The following NCAM2 variants were observed in gnomAD, a reference collection of about 807,000 sequenced individuals.
NCAM2 encodes the protein N-CAM-2.
In NCAM2, 30 loss-of-function variants were observed where a neutral mutation model predicts 98.1. The observed-to-expected ratio is 0.31, with a 90% CI of 0.23 to 0.41. The LOEUF is 0.41. Among genes scored for constraint, NCAM2 ranks in the 10% least tolerant of loss-of-function variants. NCAM2 has a pLI of 1.00. For synonymous variants in NCAM2, 368 were observed against 342.4 expected (o/e 1.07, Z -0.83); for missense variants, 867 against 1,005.8 (o/e 0.86, Z 1.87).
intron 1 of NCAM2, among the ~76,000 whole-genome samples, chr21:21,093,270 CTCT>C (rs1348775770): frequency 6.6e-6 from 1 of 152,014 alleles, no homozygotes; most frequent in African/African-American, 2.4e-5. Flanking sequence ...AATAGACTAC[CTCT>C]TCTTCAGGGA....
intron 16 of NCAM2, among the ~76,000 whole-genome samples, chr21:21,533,654 T>G (rs1299264352): frequency 4.6e-5 from 7 of 151,458 alleles, no homozygotes; most frequent in South Asian, 4.1e-4. Flanking sequence ...TTTAGTTTTT[T>G]TTTTTTTTTT....
intron 8 of NCAM2, among the ~76,000 whole-genome samples, chr21:21,367,446 A>G (rs2075815587): frequency 6.6e-6 from 1 of 151,984 alleles, no homozygotes; most frequent in African/African-American, 2.4e-5. Flanking sequence ...TACTAAATAT[A>G]TTATGTATTG....
rs1056501874 is a variant in NCAM2, at chr21:21,049,107, T to C, written c.55+50489T>C. Among the ~76,000 whole-genome samples, 22 of 139,684 alleles carry C rather than the reference T, an allele frequency of 1.6e-4. No individual in the cohort carries two copies. In the East Asian group the frequency reaches 4.7e-3, roughly 30 times the overall value. 91.6% of individuals were successfully genotyped at this position (139,684 alleles called of 152,430 possible). ...AATCTCGGCTCACTGCAAGCTCCGC[T>C]TCCCGGGTTCACGCCATTCTCCTGC... On this transcript the variant is annotated intron_variant, in intron 1 of 17. Transcript: ENST00000400546.
At chr21:21,338,200 T>C (rs1054425235) in intron 7 of NCAM2, among the ~76,000 whole-genome samples, 189 bp from the exon 8 acceptor site, 1 of 152,060 alleles carries the variant, frequency 6.6e-6, no homozygotes, top group Non-Finnish European at 1.5e-5. Context: ...GAGTTTTATT[T>C]CCTAAATTTT....
intron 10 of NCAM2, among the ~76,000 whole-genome samples, chr21:21,414,671 G>A (rs996535601): frequency 6.6e-6 from 1 of 151,582 alleles, no homozygotes; most frequent in African/African-American, 2.4e-5. Flanking sequence ...GAGTTTCACG[G>A]TGTTAACCAG....
At chr21:21,481,663 G>C (rs1476833423) in intron 15 of NCAM2, among the ~76,000 whole-genome samples, 2 of 152,070 alleles carry the variant, frequency 1.3e-5, no homozygotes, top group Non-Finnish European at 2.9e-5. Flanking sequence ...AAGGAGTCGT[G>C]GAGCAATCAC....
At chr21:21,300,871 A>G (rs2073686690) in intron 5 of NCAM2, among the ~76,000 whole-genome samples, 1 of 152,022 alleles carries the variant, frequency 6.6e-6, no homozygotes, top group South Asian at 2.1e-4. Flanking sequence ...CTATCAATCT[A>G]GTAATGCACT....
chr21:21,354,320 A>G (rs2075415200), intron 8 of NCAM2, among the ~76,000 whole-genome samples: 1 of 152,142 alleles, frequency 6.6e-6, no homozygotes, highest in Non-Finnish European at 1.5e-5. Flanking sequence ...GCATTTCTCA[A>G]CTTCAGTCAT....
At chr21:21,423,491 C>G (rs1003831277) in intron 11 of NCAM2, among the ~76,000 whole-genome samples, 1 of 152,168 alleles carries the variant, frequency 6.6e-6, no homozygotes, top group African/African-American at 2.4e-5. Context: ...ATCTAGACAT[C>G]AAGGACCAAG....
chr21:21,350,494 T>A (rs1441946543), intron 8 of NCAM2, among the ~76,000 whole-genome samples: 2 of 152,186 alleles, frequency 1.3e-5, no homozygotes, highest in Non-Finnish European at 2.9e-5. Context: ...GCCTTTTATA[T>A]GAAATTTCTC....
chr21:21,014,620 C>A (rs2064272005), intron 1 of NCAM2, among the ~76,000 whole-genome samples: 1 of 152,196 alleles, frequency 6.6e-6, no homozygotes, highest in Admixed American at 6.5e-5. Flanking sequence ...TCTGCTCAAT[C>A]AAGAGCTGTC....
chr21:21,266,506 T>C (rs2072281213), intron 1 of NCAM2, among the ~76,000 whole-genome samples: 1 of 151,898 alleles, frequency 6.6e-6, no homozygotes, highest in African/African-American at 2.4e-5. Flanking sequence ...ATTAAGAAAA[T>C]GTGGCACATA....
intron 1 of NCAM2, among the ~76,000 whole-genome samples, chr21:21,039,768 C>T (rs1009862679): frequency 6.6e-6 from 1 of 151,976 alleles, no homozygotes; most frequent in Admixed American, 6.6e-5. Flanking sequence ...CTGAAGTTGC[C>T]GGAGGGTCAC....
intron 5 of NCAM2, among the ~76,000 whole-genome samples, chr21:21,292,562 A>T (rs1479776949): frequency 6.6e-6 from 1 of 151,914 alleles, no homozygotes; most frequent in Non-Finnish European, 1.5e-5. Flanking sequence ...GTTACTTTTA[A>T]ATTACATGAA....
intron 1 of NCAM2, among the ~76,000 whole-genome samples, chr21:21,233,525 A>G (rs2070708797): frequency 6.6e-6 from 1 of 151,694 alleles, no homozygotes; most frequent in Non-Finnish European, 1.5e-5. Context: ...TATTGAAATG[A>G]TCAGCTAATA....
intron 1 of NCAM2, among the ~76,000 whole-genome samples, chr21:21,192,909 G>T (rs2146972246): frequency 6.6e-6 from 1 of 152,296 alleles, no homozygotes; most frequent in Non-Finnish European, 1.5e-5. Flanking sequence ...GTACATCCTA[G>T]TGTCGTGAGG....
At chr21:21,138,819 C>A (rs551540151) in intron 1 of NCAM2, among the ~76,000 whole-genome samples, 259 of 152,262 alleles carry the variant, frequency 1.7e-3, no homozygotes, top group Middle Eastern at 6.8e-3. Flanking sequence ...CTGACACTTT[C>A]TTTGACACTG....
rs185146178 is a variant in NCAM2, at chr21:21,349,878, G to T, written c.1044+11344G>T. ...GTGGGATCTAAAAATCAAAACAATT[G>T]AACTCAAGGACATAGATAATAGAAG... On this transcript the variant is annotated intron_variant, in intron 8 of 17. Transcript: ENST00000400546. 2.6e-5 allele frequency among the ~76,000 whole-genome samples: 4 copies of T among 152,210 alleles called. No homozygotes were observed. The East Asian group carries it at 7.7e-4, about 29-fold the overall frequency.
intron 1 of NCAM2, among the ~76,000 whole-genome samples, chr21:21,225,910 A>G (rs1178005945): frequency 2.6e-5 from 4 of 152,114 alleles, no homozygotes; most frequent in African/African-American, 9.7e-5. Flanking sequence ...AACAGCAAAG[A>G]CATGGGATCA....
Sources: gnomAD v4.1 joint callset for allele counts (sites outside exome capture counted in the v4.1 genomes callset) on GRCh38, gnomAD v4.1.1 for gene constraint, MANE v1.5 for transcripts, NCBI Gene and HGNC (gene_info 2026-07-23, HGNC 2026-07-21) for gene names.